The following NDNF variants were observed in gnomAD, a reference collection of about 807,000 sequenced individuals.
The protein encoded by NDNF is protein NDNF.
A neutral mutation model predicts 42.0 loss-of-function variants in NDNF; 16 were observed. The ratio of observed to expected loss-of-function variants is 0.38; its 90% CI spans 0.26 to 0.58. The LOEUF is 0.58. NDNF is among the 20% of genes least tolerant of loss of function. NDNF has a pLI of 0.67. For synonymous variants in NDNF, 248 were observed against 251.7 expected, an observed-to-expected ratio of 0.99 and a Z score of 0.14; for missense variants, 616 against 666.2, an observed-to-expected ratio of 0.92 and a Z score of 0.83.
intron 1 of NDNF, chr4:121,061,433 C>T (rs187844630): frequency 1.5e-3 from 227 of 153,330 alleles, no homozygotes; most frequent in African/African-American, 2.8e-3. Flanking sequence ...TCAACCCTGG[C>T]GATCAAAGGG....
chr4:121,041,667 G>T (rs1470705272), intron 2 of NDNF, among the ~76,000 whole-genome samples: 1 of 152,182 alleles, frequency 6.6e-6, no homozygotes, highest in African/African-American at 2.4e-5. Context: ...TTTAAGGAAT[G>T]ATTCGGAGGT....
chr4:121,054,828 C>A (rs560752724), intron 1 of NDNF, among the ~76,000 whole-genome samples: 2 of 152,052 alleles, frequency 1.3e-5, no homozygotes, highest in Non-Finnish European at 2.9e-5. Context: ...GTTGGGAAGG[C>A]CCCCATTGCC....
chr4:121,044,049 T>C (rs546108732), intron 2 of NDNF, among the ~76,000 whole-genome samples: 2 of 152,342 alleles, frequency 1.3e-5, no homozygotes, highest in East Asian at 3.9e-4. Flanking sequence ...AAAATTATTT[T>C]ATATGTTATT....
intron 1 of NDNF, among the ~76,000 whole-genome samples, chr4:121,062,930 G>T (rs992860696): frequency 1.3e-5 from 2 of 152,094 alleles, no homozygotes; most frequent in African/African-American, 4.8e-5. Flanking sequence ...TTTGGCTGAA[G>T]TGTTGAGTGT....
intron 1 of NDNF, among the ~76,000 whole-genome samples, chr4:121,060,927 A>G (rs1025573077): frequency 2.6e-5 from 4 of 152,222 alleles, no homozygotes; most frequent in African/African-American, 9.7e-5. Flanking sequence ...AGTAATTTTT[A>G]AAAACTGTAA....
intron 1 of NDNF, among the ~76,000 whole-genome samples, chr4:121,067,061 A>G (rs1289947782): frequency 6.6e-6 from 1 of 152,212 alleles, no homozygotes; most frequent in Non-Finnish European, 1.5e-5. Context: ...TGGTTTTTAT[A>G]TTTAAAAGTC....
chr4:121,056,018 C>A (rs922700087), intron 1 of NDNF, among the ~76,000 whole-genome samples: 1 of 152,096 alleles, frequency 6.6e-6, no homozygotes, highest in Non-Finnish European at 1.5e-5. Flanking sequence ...TGAAGAAAAT[C>A]TGACAAGAAA....
chr4:121,069,135 T>A (rs1195098264), intron 1 of NDNF, among the ~76,000 whole-genome samples: 1 of 152,152 alleles, frequency 6.6e-6, no homozygotes, highest in East Asian at 1.9e-4. Flanking sequence ...AAAACTAAAA[T>A]CTGAAACAAC....
At chr4:121,068,554 T>C (rs1727537610) in intron 1 of NDNF, among the ~76,000 whole-genome samples, 3 of 152,238 alleles carry the variant, frequency 2.0e-5, no homozygotes, top group African/African-American at 7.2e-5. Context: ...TTGTTGGTTA[T>C]ATTGGGTATC....
intron 1 of NDNF, among the ~76,000 whole-genome samples, chr4:121,068,352 T>C (rs1727535071): frequency 6.6e-6 from 1 of 152,232 alleles, no homozygotes; most frequent in African/African-American, 2.4e-5. Context: ...GAGGATTTGA[T>C]TTTAAAATCA....
intron 1 of NDNF, among the ~76,000 whole-genome samples, chr4:121,057,866 T>TAAA (rs1217167167): frequency 4.1e-4 from 62 of 152,282 alleles, no homozygotes; most frequent in Admixed American, 1.2e-3. Flanking sequence ...ATCTGAGCTC[T>TAAA]CCCTGTACAC....
intron 2 of NDNF, among the ~76,000 whole-genome samples, chr4:121,044,443 A>T (rs940145539): frequency 6.6e-6 from 1 of 151,982 alleles, no homozygotes; most frequent in African/African-American, 2.4e-5. Context: ...ACAAAGGGAG[A>T]AGAGTTTGAG....
intron 1 of NDNF, among the ~76,000 whole-genome samples, chr4:121,061,966 T>G (rs1314471607): frequency 6.6e-6 from 1 of 152,206 alleles, no homozygotes; most frequent in African/African-American, 2.4e-5. Context: ...AATGAAATAA[T>G]TGATATGAAT....
intron 1 of NDNF, among the ~76,000 whole-genome samples, chr4:121,064,533 G>A (rs961260420): frequency 6.6e-6 from 1 of 152,068 alleles, no homozygotes; most frequent in Admixed American, 6.6e-5. Context: ...ACATAATGGG[G>A]CACAATATGC....
Position 121,045,296 on chromosome 4 carries a change from C to G in NDNF, c.188+354G>C, listed in dbSNP as rs996383176. Among the ~76,000 whole-genome samples, 6 of 151,054 alleles carry G rather than the reference C, an allele frequency of 4.0e-5. No homozygotes were observed. The East Asian group carries it at 5.9e-4, about 15-fold the overall frequency. ...GAACCCAGGAGGCGGAGCTTGCAGT[C>G]AGCCGAGATTGTGCCACTGCACTCC... On this transcript the variant is annotated intron_variant, in intron 2 of 3. Transcript: ENST00000379692.
intron 1 of NDNF, among the ~76,000 whole-genome samples, chr4:121,063,782 T>TA (rs1374100209): frequency 6.6e-6 from 1 of 152,198 alleles, no homozygotes; most frequent in Non-Finnish European, 1.5e-5. Flanking sequence ...TTTCCCCTGT[T>TA]AAAAAAGACT....
intron 1 of NDNF, among the ~76,000 whole-genome samples, chr4:121,068,185 T>G (rs1727532764): frequency 6.6e-6 from 1 of 152,246 alleles, no homozygotes; most frequent in African/African-American, 2.4e-5. Context: ...TATTTACTTT[T>G]TTTTTCTAGG....
At position 121,039,188 on chromosome 4, in the gene NDNF, GTGTGTATATATA is replaced by G. The variant is rs1305120141; in HGVS notation, c.313+730_313+741del. On this transcript the variant is annotated intron_variant, in intron 3 of 3. Coordinates refer to ENST00000379692, the MANE Select transcript of NDNF (RefSeq NM_024574.4). ...ATATATATAAAGACTATGTGTGTGT[GTGTGTATATATA>G]TATATATATATATATATATATATAT... Among the ~76,000 whole-genome samples the G allele has an allele frequency of 9.8e-3, 651 of 66,512 alleles. 12 individuals carry two copies. The highest frequency in any genetic ancestry group is 0.048 in the African/African-American group (628 of 13,016). The allele number at this position is 66,512 out of a possible 152,430, so 43.6% of individuals were successfully genotyped here. A position where few individuals can be genotyped will look rare whatever the true frequency, so the allele number is the denominator to read the frequency against.
At chr4:121,068,328 GTATT>G (rs1236005151) in intron 1 of NDNF, among the ~76,000 whole-genome samples, 1 of 152,130 alleles carries the variant, frequency 6.6e-6, no homozygotes, top group Non-Finnish European at 1.5e-5. Context: ...TTAAAATAGA[GTATT>G]TAAATCCTGG....
Sources: allele counts gnomAD v4.1 joint callset (sites outside exome capture counted in the v4.1 genomes callset), GRCh38; gene constraint gnomAD v4.1.1; transcripts MANE v1.5; gene names NCBI Gene and HGNC (gene_info 2026-07-23, HGNC 2026-07-21).